Variants in KCNQ5 observed in about 807,000 individuals in gnomAD.
KCNQ5 encodes potassium voltage-gated channel subfamily Q member 5, also known as potassium voltage-gated channel subfamily KQT member 5.
In KCNQ5, 30 loss-of-function variants were observed where a neutral mutation model predicts 98.2. The ratio of observed to expected loss-of-function variants is 0.31; its 90% CI spans 0.23 to 0.41. KCNQ5 has a LOEUF of 0.41. Among genes scored for constraint, KCNQ5 ranks in the 10% least tolerant of loss-of-function variants. The pLI is 1.00. For missense variants in KCNQ5, 835 were observed against 1,182.5 expected, an observed-to-expected ratio of 0.71 and a Z score of 4.31; for synonymous variants, 458 against 449.4, an observed-to-expected ratio of 1.02 and a Z score of -0.24.
At chr6:72,794,047 T>C (rs1774198165) in intron 1 of KCNQ5, among the ~76,000 whole-genome samples, 3 of 152,216 alleles carry the variant, frequency 2.0e-5, no homozygotes, top group African/African-American at 7.2e-5. Context: ...TGATGTATGG[T>C]AGTTAATGAA....
chr6:73,077,661 C>T (rs763940832), intron 4 of KCNQ5, 101 bp from the exon 5 acceptor site: 5 of 1,302,752 alleles, frequency 3.8e-6, no homozygotes, highest in Non-Finnish European at 5.3e-6. Context: ...CCATCATAAA[C>T]ATCCAAGAAG....
intron 8 of KCNQ5, among the ~76,000 whole-genome samples, chr6:73,123,766 C>T (rs1370888773): frequency 2.0e-5 from 3 of 152,026 alleles, no homozygotes; most frequent in Non-Finnish European, 4.4e-5. Flanking sequence ...CCAAAAACAC[C>T]TTGTGGTACC....
intron 1 of KCNQ5, among the ~76,000 whole-genome samples, chr6:72,638,361 A>T (rs2098925370): frequency 6.6e-6 from 1 of 152,034 alleles, no homozygotes; most frequent in South Asian, 2.1e-4. Flanking sequence ...CATTTCCTAA[A>T]CTAGTTGGGT....
chr6:73,074,443 G>A (rs1773432181), intron 3 of KCNQ5, among the ~76,000 whole-genome samples: 2 of 152,028 alleles, frequency 1.3e-5, no homozygotes, highest in African/African-American at 2.4e-5. Context: ...TACAATGAGG[G>A]TATTAAATCA....
intron 1 of KCNQ5, among the ~76,000 whole-genome samples, chr6:72,919,214 T>TG (rs1445154810): frequency 3.3e-5 from 5 of 152,124 alleles, no homozygotes; most frequent in Admixed American, 6.5e-5. Flanking sequence ...CAAGGAAAGA[T>TG]GGGGCAGGCA....
chr6:72,874,713 C>T (rs1433804355), intron 1 of KCNQ5, among the ~76,000 whole-genome samples: 2 of 152,122 alleles, frequency 1.3e-5, no homozygotes, highest in Non-Finnish European at 2.9e-5. Flanking sequence ...TCACAGCACA[C>T]AAGAAACTGA....
intron 10 of KCNQ5, among the ~76,000 whole-genome samples, chr6:73,146,879 A>G (rs1776947340): frequency 6.6e-6 from 1 of 152,168 alleles, no homozygotes; most frequent in Non-Finnish European, 1.5e-5. Context: ...TACTATTGAA[A>G]CTATAAAAAT....
intron 11 of KCNQ5, among the ~76,000 whole-genome samples, chr6:73,176,130 C>G (rs1027319906): frequency 2.6e-5 from 4 of 152,164 alleles, no homozygotes; most frequent in African/African-American, 9.7e-5. Flanking sequence ...TTTATCAGAT[C>G]AGTGCATGAT....
At chr6:73,055,664 A>C in intron 3 of KCNQ5, 2 of 1,130,728 alleles carry the variant, frequency 1.8e-6, no homozygotes, top group Non-Finnish European at 1.3e-6. Context: ...CCTCTGGGGC[A>C]CTGACAAGCA....
intron 12 of KCNQ5, 135 bp from the exon 13 acceptor site, chr6:73,192,430 A>G: frequency 1.4e-6 from 1 of 736,264 alleles, no homozygotes; most frequent in Non-Finnish European, 2.0e-6. Flanking sequence ...ATCAACTGGA[A>G]CAAGTTCTTT....
chr6:72,672,083 TG>T (rs1279154654), intron 1 of KCNQ5, among the ~76,000 whole-genome samples: 2 of 150,716 alleles, frequency 1.3e-5, no homozygotes, highest in Non-Finnish European at 2.9e-5. Context: ...CCCAAAGTGC[TG>T]GGATTACAGG....
At chr6:73,054,011 T>A (rs1772354103) in intron 3 of KCNQ5, among the ~76,000 whole-genome samples, 1 of 152,016 alleles carries the variant, frequency 6.6e-6, no homozygotes, top group Admixed American at 6.5e-5. Flanking sequence ...GACAAAGGGA[T>A]GTTACCACCT....
At chr6:72,896,201 T>A (rs1441615512) in intron 1 of KCNQ5, among the ~76,000 whole-genome samples, 1 of 152,172 alleles carries the variant, frequency 6.6e-6, no homozygotes, top group African/African-American at 2.4e-5. Flanking sequence ...AAAATAATAC[T>A]TCTATAGTTA....
At chr6:72,862,570 G>A (rs1202532534) in intron 1 of KCNQ5, among the ~76,000 whole-genome samples, 1 of 152,026 alleles carries the variant, frequency 6.6e-6, no homozygotes, top group African/African-American at 2.4e-5. Flanking sequence ...ATCAAGTTTT[G>A]TCCAGTGAGT....
chr6:73,004,990 G>A (rs1021297935), intron 2 of KCNQ5, among the ~76,000 whole-genome samples: 9 of 152,224 alleles, frequency 5.9e-5, no homozygotes, highest in Non-Finnish European at 1.2e-4. Flanking sequence ...ACCTGAGAGA[G>A]GGGGCAGATG....
chr6:72,853,738 AC>A (rs1278877022), intron 1 of KCNQ5, among the ~76,000 whole-genome samples: 2 of 152,274 alleles, frequency 1.3e-5, no homozygotes, highest in Admixed American at 6.5e-5. Context: ...AAGTGAAGCA[AC>A]CCTGGGGAAG....
At chr6:72,758,329 T>C (rs1444417023) in intron 1 of KCNQ5, among the ~76,000 whole-genome samples, 1 of 152,162 alleles carries the variant, frequency 6.6e-6, no homozygotes, top group Non-Finnish European at 1.5e-5. Flanking sequence ...TTGCTGTTCA[T>C]CTAATGCGCT....
intron 1 of KCNQ5, among the ~76,000 whole-genome samples, chr6:72,852,029 C>A (rs1203386751): frequency 6.6e-6 from 1 of 152,100 alleles, no homozygotes; most frequent in African/African-American, 2.4e-5. Context: ...ACTATCCTTT[C>A]TGTTTCTCAT....
chr6:72,699,664 A>G (rs1359078533), intron 1 of KCNQ5, among the ~76,000 whole-genome samples: 1 of 152,206 alleles, frequency 6.6e-6, no homozygotes, highest in African/African-American at 2.4e-5. Context: ...GATGATCTAA[A>G]GATTTATTTA....
Sources: allele counts gnomAD v4.1 joint callset (sites outside exome capture counted in the v4.1 genomes callset), GRCh38; gene constraint gnomAD v4.1.1; transcripts MANE v1.5; gene names NCBI Gene and HGNC (gene_info 2026-07-23, HGNC 2026-07-21).